THADA: variants seen among roughly 807,000 people sequenced by gnomAD.
THADA encodes tRNA (32-2'-O)-methyltransferase regulator THADA.
THADA carries 213 observed loss-of-function variants against 219.8 expected under a neutral mutation model. That is an observed-to-expected ratio of 0.97 (90% CI 0.87 to 1.09). The LOEUF (loss-of-function observed/expected upper bound fraction) is 1.09. Ranked by LOEUF, THADA falls within the 50% of genes least tolerant of loss-of-function variation. THADA has a pLI of 0.00. For synonymous variants in THADA, 1,018 were observed against 828.9 expected (o/e 1.23, Z -3.92); for missense variants, 2,956 against 2,311.3 (o/e 1.28, Z -5.72).
chr2:43,417,037 CTTT>C (rs67993873), intron 28 of THADA, among the ~76,000 whole-genome samples: 21 of 93,746 alleles, frequency 2.2e-4, no homozygotes, highest in South Asian at 7.6e-4. Flanking sequence ...TGGCTGTTTT[CTTT>C]TTTTTTTTTT....
chr2:43,481,975 C>A (rs1193012388), intron 26 of THADA, among the ~76,000 whole-genome samples: 1 of 152,148 alleles, frequency 6.6e-6, no homozygotes, highest in East Asian at 1.9e-4. Context: ...TAGAGCTAAG[C>A]GCCATATTAG....
At chr2:43,380,017 G>C (rs1044315608) in intron 29 of THADA, among the ~76,000 whole-genome samples, 1 of 152,226 alleles carries the variant, frequency 6.6e-6, no homozygotes, top group South Asian at 2.1e-4. Flanking sequence ...GGTTGCCAGA[G>C]TTTTGTGGAG....
chr2:43,333,018 C>T (rs1006947453), intron 30 of THADA: 8 of 152,150 alleles, frequency 5.3e-5, no homozygotes, highest in East Asian at 1.9e-4. Context: ...CACCCAGACT[C>T]GTTTCCATAA....
intron 29 of THADA, 128 bp downstream of exon 29, chr2:43,397,843 G>GAAA: frequency 1.2e-6 from 1 of 855,224 alleles, no homozygotes. Context: ...TTCGGAAGTA[G>GAAA]AAAAAAAAAA....
chr2:43,334,626 T>C (rs1256611146), intron 30 of THADA, among the ~76,000 whole-genome samples: 1 of 151,976 alleles, frequency 6.6e-6, no homozygotes, highest in East Asian at 1.9e-4. Context: ...TCCCAAAAAA[T>C]TAGCCAGGCG....
intron 29 of THADA, among the ~76,000 whole-genome samples, chr2:43,396,168 G>C (rs187977591): frequency 1.1e-4 from 17 of 152,314 alleles, no homozygotes; most frequent in African/African-American, 4.1e-4. Flanking sequence ...TGCCAACCTA[G>C]AACTTCAGTC....
At chr2:43,594,068 A>G (rs1478994975) in intron 1 of THADA, among the ~76,000 whole-genome samples, 4 of 152,174 alleles carry the variant, frequency 2.6e-5, no homozygotes, top group Non-Finnish European at 5.9e-5. Flanking sequence ...GAAATTTTCC[A>G]ACACCAGGAA....
chr2:43,335,179 G>A (rs1666268619), intron 30 of THADA, among the ~76,000 whole-genome samples: 1 of 152,072 alleles, frequency 6.6e-6, no homozygotes, highest in Admixed American at 6.5e-5. Flanking sequence ...AGATTCCCAG[G>A]TGATTCACGT....
At chr2:43,454,787 C>T (rs1411455246) in intron 26 of THADA, among the ~76,000 whole-genome samples, 1 of 152,150 alleles carries the variant, frequency 6.6e-6, no homozygotes, top group Non-Finnish European at 1.5e-5. Context: ...AAAGTACACT[C>T]TATTTTAGCT....
chr2:43,455,504 G>GCT (rs371767650), intron 26 of THADA, among the ~76,000 whole-genome samples: 3,645 of 149,604 alleles, frequency 0.024, 153 homozygotes, highest in African/African-American at 0.085. Flanking sequence ...ACGTGCTCTC[G>GCT]CTCTCTCTCT....
chr2:43,418,132 T>G (rs1264152102), intron 28 of THADA, among the ~76,000 whole-genome samples: 1 of 152,158 alleles, frequency 6.6e-6, no homozygotes, highest in Non-Finnish European at 1.5e-5. Flanking sequence ...TTGTTTTCAA[T>G]AAATATCTGT....
chr2:43,573,030 C>T lies in THADA; in HGVS notation c.1730-38G>A, dbSNP rs761506215. ...TAACAAAGACCATTACTGTATTATG[C>T]AATGACTACTATAATTATCAGCTGC... On this transcript the variant is annotated intron_variant, in intron 11 of 37. Coordinates refer to ENST00000405975, the MANE Select transcript of THADA (RefSeq NM_022065.5). 1.1e-5 allele frequency: 16 copies of T among 1,511,178 alleles called. 1 individual carries two copies. In the South Asian group the frequency reaches 1.6e-4, roughly 15 times the overall value. The allele number at this position is 1,511,178 out of a possible 1,614,324, so 93.6% of individuals were successfully genotyped here.
chr2:43,443,592 G>A (rs1346260951), intron 26 of THADA, among the ~76,000 whole-genome samples: 1 of 152,116 alleles, frequency 6.6e-6, no homozygotes, highest in Non-Finnish European at 1.5e-5. Flanking sequence ...CAATAAAAGT[G>A]ATAGCCAAAA....
At chr2:43,235,961 C>T (rs142721139) in intron 36 of THADA, among the ~76,000 whole-genome samples, 4,408 of 152,254 alleles carry the variant, frequency 0.029, 220 homozygotes, top group African/African-American at 0.1. Flanking sequence ...CACCCGCCAC[C>T]ACGCCCGGCT....
chr2:43,576,526 T>G (rs1699876836), intron 10 of THADA, among the ~76,000 whole-genome samples: 1 of 152,214 alleles, frequency 6.6e-6, no homozygotes, highest in African/African-American at 2.4e-5. Flanking sequence ...TTACCTATGT[T>G]GAAGTTCTTT....
chr2:43,449,573 G>T (rs1432368730), intron 26 of THADA, among the ~76,000 whole-genome samples: 6 of 152,096 alleles, frequency 3.9e-5, no homozygotes, highest in Non-Finnish European at 8.8e-5. Flanking sequence ...AGAAAGAGAA[G>T]CCCGGGCAAC....
intron 33 of THADA, 106 bp downstream of exon 33, chr2:43,291,998 T>C: frequency 1.2e-6 from 1 of 806,264 alleles, no homozygotes; most frequent in Admixed American, 3.0e-5. Flanking sequence ...TAGAATGAAA[T>C]ACAGGACCTG....
chr2:43,566,998 T>C (rs1027217541), intron 14 of THADA, among the ~76,000 whole-genome samples, 177 bp from the exon 15 acceptor site: 4 of 152,138 alleles, frequency 2.6e-5, no homozygotes, highest in African/African-American at 9.7e-5. Flanking sequence ...CCCTTGACCA[T>C]AAGCTATATT....
At chr2:43,571,650 A>T (rs1699315843) in intron 13 of THADA, 57 bp downstream of exon 13, 1 of 1,550,954 alleles carries the variant, frequency 6.4e-7, no homozygotes, top group Non-Finnish European at 8.7e-7. Context: ...TCTTTTTAAA[A>T]ACGATTTCCC....
Sources: gnomAD v4.1 joint callset for allele counts (sites outside exome capture counted in the v4.1 genomes callset) on GRCh38, gnomAD v4.1.1 for gene constraint, MANE v1.5 for transcripts, NCBI Gene and HGNC (gene_info 2026-07-23, HGNC 2026-07-21) for gene names.